MROH1: variants seen among roughly 807,000 people sequenced by gnomAD.
The protein encoded by MROH1 is maestro heat like repeat family member 1, also known as maestro heat-like repeat-containing protein family member 1.
A neutral mutation model predicts 116.5 loss-of-function variants in MROH1; 117 were observed. The observed-to-expected ratio is 1.00, with a 90% CI of 0.86 to 1.17. MROH1 has a LOEUF of 1.17. MROH1 is among the 50% of genes most tolerant of loss of function. The pLI is 0.00. For missense variants in MROH1, 1,873 were observed against 1,338.5 expected (o/e 1.40, Z -6.23); for synonymous variants, 921 against 583.9 (o/e 1.58, Z -8.32).
At chr8:144,157,989 C>A (rs939670927) in intron 1 of MROH1, among the ~76,000 whole-genome samples, 1 of 88,864 alleles carries the variant, frequency 1.1e-5, no homozygotes, top group Non-Finnish European at 2.3e-5. Flanking sequence ...CTATTTCTTT[C>A]TTTTTTTTTT....
At chr8:144,203,607 G>A (rs1015511530) in intron 12 of MROH1, among the ~76,000 whole-genome samples, 15 of 152,096 alleles carry the variant, frequency 9.9e-5, no homozygotes, top group Non-Finnish European at 1.5e-4. Context: ...AGAGGAGAGC[G>A]CCTGCAGCTT....
At chr8:144,200,636 T>C (rs1354547743) in intron 12 of MROH1, 95 bp downstream of exon 12, 3 of 909,352 alleles carry the variant, frequency 3.3e-6, no homozygotes, top group South Asian at 2.8e-5. Context: ...GAAAGCACCA[T>C]CCTGCTTTGA....
At chr8:144,215,772 C>T (rs1835102666) in intron 12 of MROH1, among the ~76,000 whole-genome samples, 1 of 151,090 alleles carries the variant, frequency 6.6e-6, no homozygotes, top group Non-Finnish European at 1.5e-5. Flanking sequence ...ACTCGGGAGG[C>T]TGAGGCAGGA....
At chr8:144,230,596 T>C (rs550510766) in intron 14 of MROH1, among the ~76,000 whole-genome samples, 52 of 152,062 alleles carry the variant, frequency 3.4e-4, no homozygotes, top group African/African-American at 1.2e-3. Context: ...TCTTGGCTTA[T>C]AATTTTTTTC....
chr8:144,202,630 AGGGG>A (rs1831539435), intron 12 of MROH1, among the ~76,000 whole-genome samples: 5 of 6,188 alleles, frequency 8.1e-4, no homozygotes, highest in East Asian at 7.8e-3. Flanking sequence ...AGGGGTGGGG[AGGGG>A]AGCGCAGGCT....
intron 35 of MROH1, among the ~76,000 whole-genome samples, chr8:144,257,173 G>A (rs1409932617): frequency 1.3e-5 from 2 of 152,238 alleles, no homozygotes; most frequent in Non-Finnish European, 2.9e-5. Context: ...AAGCCCCCTT[G>A]GCACCCAGGC....
chr8:144,180,555 A>G lies in MROH1; in HGVS notation c.562+32A>G. 6.3e-7 allele frequency: 1 copy of G among 1,595,336 alleles called. No individual in the cohort carries two copies. Among genetic ancestry groups the G allele is most frequent in the South Asian group, 1.1e-5 (1 of 90,702 alleles). On this transcript the variant is annotated intron_variant, in intron 7 of 43. Transcript: ENST00000326134. The surrounding 1 kb of genome is among the most constrained non-coding windows in gnomAD (Gnocchi z 7.4). ...GGCGGCCTCGTCACCTTCTGTCTCA[A>G]GTGCCCCTTTGTGGGGGGCTGTTCC...
intron 14 of MROH1, among the ~76,000 whole-genome samples, chr8:144,232,591 T>A (rs1465341452): frequency 6.6e-6 from 1 of 151,816 alleles, no homozygotes; most frequent in African/African-American, 2.4e-5. Flanking sequence ...CCTCCCGGGT[T>A]CATGCCATTC....
At chr8:144,261,415 A>G in intron 43 of MROH1, 66 bp downstream of exon 43, 1 of 700,266 alleles carries the variant, frequency 1.4e-6, no homozygotes, top group Non-Finnish European at 2.6e-6. Context: ...CGCAGGGACT[A>G]AGTGATTTTC....
intron 1 of MROH1, among the ~76,000 whole-genome samples, chr8:144,153,488 C>T (rs944853634): frequency 2.6e-4 from 39 of 152,282 alleles, no homozygotes; most frequent in African/African-American, 6.5e-4. Flanking sequence ...TGAGCCACTG[C>T]GCCCAGCCTC....
At chr8:144,188,610 G>A (rs1461866348) in intron 7 of MROH1, among the ~76,000 whole-genome samples, 1 of 151,902 alleles carries the variant, frequency 6.6e-6, no homozygotes, top group Non-Finnish European at 1.5e-5. Flanking sequence ...GGGATTACAG[G>A]GGCGTGCCAC....
chr8:144,151,864 G>A (rs1452385080), intron 1 of MROH1, among the ~76,000 whole-genome samples: 2 of 152,350 alleles, frequency 1.3e-5, no homozygotes, highest in East Asian at 3.9e-4. Flanking sequence ...CGGGGACAAG[G>A]GGACCTTTCC....
At chr8:144,215,305 A>G (rs1193578830) in intron 12 of MROH1, among the ~76,000 whole-genome samples, 1 of 152,228 alleles carries the variant, frequency 6.6e-6, no homozygotes, top group Non-Finnish European at 1.5e-5. Flanking sequence ...TGACATCATG[A>G]TGAAGATGAC....
In MROH1 at chr8:144,255,506, C is replaced by G; in HGVS notation, c.3595-3C>G. The G allele has an allele frequency of 1.3e-6, 1 of 778,662 alleles. No homozygotes were observed. The highest frequency in any genetic ancestry group is 1.3e-5 in the South Asian group (1 of 74,510). 48.2% of individuals were successfully genotyped at this position (778,662 alleles called of 1,614,324 possible). A position where few individuals can be genotyped will look rare whatever the true frequency, so the allele number is the denominator to read the frequency against. On this transcript the variant is annotated splice_polypyrimidine_tract_variant and splice_region_variant and intron_variant, in intron 34 of 43. Transcript: ENST00000326134. ...CATGGCCCTGTGATGACTTCTCCCC[C>G]AGGCTACCTGTGCACTGTTTGAGGT...
rs1387072104 is a variant in MROH1 at position 144,223,089 on chromosome 8, C to G, written c.1216-19C>G. 1.2e-6 allele frequency: 2 copies of G among 1,613,114 alleles called. No individual in the cohort carries two copies. Among genetic ancestry groups the G allele is most frequent in the East Asian group, 2.2e-5 (1 of 44,874 alleles). On this transcript the variant is annotated intron_variant, in intron 13 of 43. Transcript: ENST00000326134. ...GTCTCTGCGTCCCCTTCCTGATCTC[C>G]CATTTGTTCTCTGGGCAGGTGAAGC...
At chr8:144,240,524 G>A (rs1840793067) in intron 19 of MROH1, 46 bp from the exon 20 acceptor site, 1 of 713,282 alleles carries the variant, frequency 1.4e-6, no homozygotes, top group African/African-American at 1.7e-5. Context: ...AGCCAGCCCT[G>A]TGAGGGGTCG....
Position 144,242,453 on chromosome 8 carries a change from C to T in MROH1, c.2263C>T (p.Leu755=). ...GHVAARAPRE[L]VLAKVESDIL... ...CGTGGCGGCCCGGGCCCCCCGGGAGCTGGTGCTGGCCAAGGTAGAGTCAGA... is the reference window on the plus strand; with the variant it reads ...CGTGGCGGCCCGGGCCCCCCGGGAGTTGGTGCTGGCCAAGGTAGAGTCAGA... The change falls in exon 23 of 44, where the codon CTG becomes TTG. Residue 755 remains leucine (L), a synonymous_variant. Transcript: ENST00000326134. 4 of 780,700 alleles carry T rather than the reference C, an allele frequency of 5.1e-6. No individual in the cohort carries two copies. Among genetic ancestry groups the T allele is most frequent in the Non-Finnish European group, 9.6e-6 (4 of 417,834 alleles). The allele number at this position is 780,700 out of a possible 1,614,324, so 48.4% of individuals were successfully genotyped here. A position where few individuals can be genotyped will look rare whatever the true frequency, so the allele number is the denominator to read the frequency against.
chr8:144,242,838 G>GGGAAGAA (rs1841243921), intron 24 of MROH1, among the ~76,000 whole-genome samples: 1 of 152,212 alleles, frequency 6.6e-6, no homozygotes, highest in East Asian at 1.9e-4. Context: ...GGAGGCGTCT[G>GGGAAGAA]CGCCTCCGAG....
At chr8:144,236,630 C>A (rs1027969378) in intron 14 of MROH1, among the ~76,000 whole-genome samples, 1 of 151,804 alleles carries the variant, frequency 6.6e-6, no homozygotes, top group Non-Finnish European at 1.5e-5. Flanking sequence ...GTAATCTCAG[C>A]TACTCGGGAG....
Sources: gnomAD v4.1 joint callset for allele counts (sites outside exome capture counted in the v4.1 genomes callset) on GRCh38, gnomAD v4.1.1 for gene constraint, Gnocchi (gnomAD v3.1) non-coding constraint, MANE v1.5 for transcripts, NCBI Gene and HGNC (gene_info 2026-07-23, HGNC 2026-07-21) for gene names.